Variants in SLC30A9 observed in about 807,000 individuals in gnomAD.
SLC30A9 encodes proton-coupled zinc antiporter SLC30A9, mitochondrial.
Under a neutral mutation model 87.5 loss-of-function variants are expected in SLC30A9, and 58 were observed. The ratio of observed to expected loss-of-function variants is 0.66; its 90% CI spans 0.54 to 0.82. The LOEUF (loss-of-function observed/expected upper bound fraction) is 0.82. Ranked by LOEUF, SLC30A9 falls within the 40% of genes least tolerant of loss-of-function variation. The pLI, the probability that SLC30A9 is intolerant of heterozygous loss-of-function variation, is 0.00. For missense variants in SLC30A9, 557 were observed against 679.1 expected (o/e 0.82, Z 2.00); for synonymous variants, 234 against 233.0 (o/e 1.00, Z -0.04).
intron 6 of SLC30A9, among the ~76,000 whole-genome samples, chr4:42,025,889 G>C (rs762314181): frequency 6.6e-6 from 1 of 152,072 alleles, no homozygotes; most frequent in East Asian, 1.9e-4. Flanking sequence ...TCCTGACCTC[G>C]TCATCCGCCC....
intron 2 of SLC30A9, among the ~76,000 whole-genome samples, chr4:42,008,696 CAGG>C (rs1365757551): frequency 6.6e-6 from 1 of 152,174 alleles, no homozygotes; most frequent in Non-Finnish European, 1.5e-5. Flanking sequence ...TATCTGGTGT[CAGG>C]AGAAGACAGT....
At chr4:42,049,663 T>C (rs1717310775) in intron 9 of SLC30A9, among the ~76,000 whole-genome samples, 184 bp downstream of exon 9, 1 of 152,238 alleles carries the variant, frequency 6.6e-6, no homozygotes, top group Non-Finnish European at 1.5e-5. Context: ...CAGATTGTTA[T>C]GCTTTAAGAA....
chr4:42,029,763 C>T, intron 6 of SLC30A9: 1 of 731,372 alleles, frequency 1.4e-6, no homozygotes, highest in Non-Finnish European at 2.6e-6. Flanking sequence ...CAAGTGAGTT[C>T]TAGGCTTCAA....
rs35901104 is a variant in SLC30A9, at chr4:42,002,151, A to ATT, written c.274+379_274+380dup. On this transcript the variant is annotated intron_variant, in intron 2 of 17. Transcript: ENST00000264451. ...TTGTGTTTTATTATTTTTCCAAGTA[A>ATT]TTTTTTTTTACTTTGAACCATTATA... 5.3e-5 allele frequency among the ~76,000 whole-genome samples: 8 copies of ATT among 150,754 alleles called. No homozygotes were observed. In the East Asian group the frequency reaches 5.8e-4, roughly 11 times the overall value.
intron 8 of SLC30A9, among the ~76,000 whole-genome samples, chr4:42,049,043 G>T (rs1475371785): frequency 1.3e-5 from 2 of 152,034 alleles, no homozygotes; most frequent in Non-Finnish European, 1.5e-5. Flanking sequence ...GCTCACTTCG[G>T]CCTCAAACTC....
chr4:42,064,655 A>C (rs1479515632), intron 11 of SLC30A9, among the ~76,000 whole-genome samples: 4 of 152,180 alleles, frequency 2.6e-5, no homozygotes, highest in Admixed American at 2.0e-4. Context: ...CTGTAGTTAG[A>C]GATTAGGTAA....
chr4:42,087,948 G>T lies in SLC30A9; in HGVS notation c.*1822G>T. On this transcript the variant is annotated 3_prime_UTR_variant, in exon 18 of 18. Coordinates refer to ENST00000264451, the MANE Select transcript of SLC30A9 (RefSeq NM_006345.4). ...AATAATTACTCATTTTTTTTCCCAAGACGACCCTCAAAGTTAATGTGCAGC... is the reference window on the plus strand; with the variant it reads ...AATAATTACTCATTTTTTTTCCCAATACGACCCTCAAAGTTAATGTGCAGC... The T allele has an allele frequency of 6.7e-6, 1 of 148,946 alleles. No individual in the cohort carries two copies. The highest frequency in any genetic ancestry group is 2.5e-5 in the African/African-American group (1 of 40,618). 9.2% of individuals were successfully genotyped at this position (148,946 alleles called of 1,614,324 possible).
chr4:42,061,311 A>C (rs1294151919), intron 10 of SLC30A9, among the ~76,000 whole-genome samples: 4 of 152,212 alleles, frequency 2.6e-5, no homozygotes, highest in South Asian at 4.1e-4. Context: ...TTTAGTTTTA[A>C]TTTATTTAAA....
intron 11 of SLC30A9, among the ~76,000 whole-genome samples, chr4:42,064,237 A>G (rs544481821): frequency 1.5e-4 from 23 of 152,286 alleles, no homozygotes; most frequent in Admixed American, 4.6e-4. Flanking sequence ...ATGTGGAGCT[A>G]GCATGTAGTC....
At position 42,087,733 on chromosome 4, in the gene SLC30A9, C is replaced by T. The variant is rs1045142487; in HGVS notation, c.*1607C>T. On this transcript the variant is annotated 3_prime_UTR_variant, in exon 18 of 18. Transcript: ENST00000264451. ...TACTCTATTCTTACAGTTTCAAATT[C>T]CTTATCCCTTCTTTACAAAAAAAAC... The T allele has an allele frequency of 8.6e-5, 13 of 150,630 alleles. No homozygotes were observed. The highest frequency in any genetic ancestry group is 1.6e-4 in the Non-Finnish European group (11 of 67,720). 9.3% of individuals were successfully genotyped at this position (150,630 alleles called of 1,614,324 possible). A position where few individuals can be genotyped will look rare whatever the true frequency, so the allele number is the denominator to read the frequency against.
intron 6 of SLC30A9, chr4:42,029,642 G>T: frequency 1.6e-6 from 1 of 607,868 alleles, no homozygotes; most frequent in Non-Finnish European, 2.9e-6. Flanking sequence ...AATCAAGAAT[G>T]AGGTGAGCGA....
At chr4:42,041,864 C>T (rs972233364) in intron 8 of SLC30A9, among the ~76,000 whole-genome samples, 8 of 152,176 alleles carry the variant, frequency 5.3e-5, no homozygotes, top group African/African-American at 1.7e-4. Flanking sequence ...GTACCTGGCT[C>T]ATCTCATTGG....
chr4:42,080,039 C>T (rs535795256), intron 17 of SLC30A9, among the ~76,000 whole-genome samples: 12 of 152,342 alleles, frequency 7.9e-5, no homozygotes, highest in African/African-American at 2.9e-4. Flanking sequence ...ATTCCCATAT[C>T]TGCTTCTGCC....
chr4:42,020,153 A>AT (rs1409952523), intron 3 of SLC30A9, among the ~76,000 whole-genome samples: 2 of 152,194 alleles, frequency 1.3e-5, no homozygotes, highest in Non-Finnish European at 2.9e-5. Context: ...CAGACCAGTA[A>AT]TACCTGTTCA....
At chr4:41,995,413 A>C (rs1203658270) in intron 1 of SLC30A9, among the ~76,000 whole-genome samples, 2 of 152,022 alleles carry the variant, frequency 1.3e-5, no homozygotes, top group Non-Finnish European at 2.9e-5. Context: ...TCAGCATTGG[A>C]TGCCAGGCAT....
chr4:42,007,517 C>T lies in SLC30A9; in HGVS notation c.274+5737C>T, dbSNP rs182396941. Among the ~76,000 whole-genome samples the T allele has an allele frequency of 4.2e-3, 640 of 152,074 alleles. 6 individuals are homozygous for T. The highest frequency in any genetic ancestry group is 0.014 in the African/African-American group (596 of 41,462). Reference sequence around the variant, plus strand: ...CTGTAATCTCAGCACTTTGGGAGGCCGAGGCAGGCTGATCACGAGGTCATG... The same window carrying T: ...CTGTAATCTCAGCACTTTGGGAGGCTGAGGCAGGCTGATCACGAGGTCATG... On this transcript the variant is annotated intron_variant, in intron 2 of 17. Coordinates refer to ENST00000264451, the MANE Select transcript of SLC30A9 (RefSeq NM_006345.4).
intron 7 of SLC30A9, among the ~76,000 whole-genome samples, chr4:42,037,571 G>T (rs1042778784): frequency 1.3e-5 from 2 of 151,870 alleles, no homozygotes; most frequent in Non-Finnish European, 2.9e-5. Context: ...AACAATTTAT[G>T]CTCCTTTTCC....
chr4:42,018,254 GTTATA>G, intron 3 of SLC30A9, 84 bp downstream of exon 3: 1 of 809,058 alleles, frequency 1.2e-6, no homozygotes, highest in Non-Finnish European at 2.0e-6. Context: ...GCTCTTTATA[GTTATA>G]TTATTCTAAG....
intron 2 of SLC30A9, among the ~76,000 whole-genome samples, chr4:42,004,729 G>A (rs983585233): frequency 7.1e-6 from 1 of 141,068 alleles, no homozygotes; most frequent in South Asian, 2.3e-4. Context: ...GTGTGATCAT[G>A]GTTCACTGCA....
Sources: allele counts gnomAD v4.1 joint callset (sites outside exome capture counted in the v4.1 genomes callset), GRCh38; gene constraint gnomAD v4.1.1; transcripts MANE v1.5; gene names NCBI Gene and HGNC (gene_info 2026-07-23, HGNC 2026-07-21).